GGACT: variants seen among roughly 807,000 people sequenced by gnomAD.
GGACT encodes gamma-glutamylaminecyclotransferase.
For missense variants in GGACT, 241 were observed against 233.2 expected, an observed-to-expected ratio of 1.03 and a Z score of -0.22; for synonymous variants, 118 against 115.3, an observed-to-expected ratio of 1.02 and a Z score of -0.15.
intron 1 of GGACT, chr13:100,586,974 T>G (rs1422154202): frequency 6.6e-6 from 1 of 152,238 alleles, no homozygotes; most frequent in Non-Finnish European, 1.5e-5. Flanking sequence ...TGGGCAGTCA[T>G]GTTTAATTGA....
intron 2 of GGACT, among the ~76,000 whole-genome samples, chr13:100,559,691 C>T (rs1042785729): frequency 2.0e-5 from 3 of 151,998 alleles, no homozygotes; most frequent in Admixed American, 2.0e-4. Context: ...GATGGGGTTT[C>T]ACCATGTTGG....
At chr13:100,555,622 A>G (rs895982487) in intron 2 of GGACT, among the ~76,000 whole-genome samples, 1 of 152,158 alleles carries the variant, frequency 6.6e-6, no homozygotes, top group Admixed American at 6.5e-5. Context: ...ATCATCTGCC[A>G]GCAGTTAAAG....
chr13:100,585,640 C>T (rs903283594), intron 1 of GGACT, among the ~76,000 whole-genome samples: 5 of 151,704 alleles, frequency 3.3e-5, no homozygotes, highest in African/African-American at 1.2e-4. Context: ...TGGTGGCATG[C>T]GCCTGTAGTC....
intron 2 of GGACT, among the ~76,000 whole-genome samples, chr13:100,574,690 C>T (rs931589444): frequency 1.3e-4 from 20 of 152,078 alleles, no homozygotes; most frequent in African/African-American, 3.9e-4. Flanking sequence ...GAGCAGAGAA[C>T]GGAGGGAGGC....
At position 100,532,136 on chromosome 13, in the gene GGACT, G is replaced by C. The variant is rs1021688999; in HGVS notation, c.456C>G (p.Asn152Lys). The change falls in exon 3 of 3, where the codon AAC (asparagine) becomes AAG (lysine). Residue 152 changes from asparagine (N) to lysine (K), a missense_variant. Asn to Lys is a moderately conservative substitution (Grantham distance 94). Coordinates refer to ENST00000683975, the MANE Select transcript of GGACT (RefSeq NM_001195087.2). ...CCCACCCTGCCCGTCCCCCTTATCTGTTCTCCCGGGGGTTGTAGCGCAGCC... is the reference window on the plus strand; with the variant it reads ...CCCACCCTGCCCGTCCCCCTTATCTCTTCTCCCGGGGGTTGTAGCGCAGCC... The part of the protein sequence containing the change: ...PHGLRYNPRE[N>K]R The C allele has an allele frequency of 4.8e-6, 7 of 1,447,246 alleles. No individual in the cohort carries two copies. The Admixed American group carries it at 8.5e-5, about 18-fold the overall frequency. 89.7% of individuals were successfully genotyped at this position (1,447,246 alleles called of 1,614,324 possible).
intron 2 of GGACT, among the ~76,000 whole-genome samples, chr13:100,552,351 T>G (rs2088671978): frequency 6.6e-6 from 1 of 152,178 alleles, no homozygotes; most frequent in African/African-American, 2.4e-5. Context: ...AAAGCTGTTA[T>G]GGGCTGGATT....
At chr13:100,585,527 G>A (rs145742382) in intron 1 of GGACT, among the ~76,000 whole-genome samples, 1 of 152,170 alleles carries the variant, frequency 6.6e-6, no homozygotes, top group African/African-American at 2.4e-5. Flanking sequence ...CAGCACTTTG[G>A]GAGGCAGAGG....
chr13:100,559,563 C>T (rs951547885), intron 2 of GGACT, among the ~76,000 whole-genome samples: 3 of 151,084 alleles, frequency 2.0e-5, no homozygotes, highest in Admixed American at 6.6e-5. Flanking sequence ...GGCAACATCT[C>T]GGCTCACTGC....
chr13:100,564,788 C>CAGT (rs1594193568), intron 2 of GGACT, among the ~76,000 whole-genome samples: 1 of 152,154 alleles, frequency 6.6e-6, no homozygotes, highest in Non-Finnish European at 1.5e-5. Context: ...CAGCATCATG[C>CAGT]AGTACCCAGC....
intron 2 of GGACT, among the ~76,000 whole-genome samples, chr13:100,566,668 T>C (rs1419611583): frequency 2.6e-5 from 4 of 152,156 alleles, no homozygotes; most frequent in Admixed American, 2.6e-4. Flanking sequence ...AAGTGTCTGC[T>C]CAGGGAGTAA....
intron 2 of GGACT, among the ~76,000 whole-genome samples, chr13:100,543,786 G>T (rs1342772528): frequency 1.3e-5 from 2 of 152,234 alleles, no homozygotes; most frequent in African/African-American, 4.8e-5. Flanking sequence ...GGGAGAAATA[G>T]TATCAGAATC....
At chr13:100,560,591 G>A (rs527703315) in intron 2 of GGACT, among the ~76,000 whole-genome samples, 2 of 152,350 alleles carry the variant, frequency 1.3e-5, no homozygotes, top group African/African-American at 2.4e-5. Context: ...TGAGGGCTGC[G>A]CTGGGAACGT....
intron 2 of GGACT, among the ~76,000 whole-genome samples, chr13:100,547,238 G>GC (rs1326479548): frequency 6.6e-6 from 1 of 152,142 alleles, no homozygotes; most frequent in African/African-American, 2.4e-5. Context: ...GATGTAATCA[G>GC]CCCCCATCAC....
At chr13:100,576,573 A>G (rs1875251566) in intron 2 of GGACT, among the ~76,000 whole-genome samples, 1 of 152,274 alleles carries the variant, frequency 6.6e-6, no homozygotes. Flanking sequence ...GGATACATAC[A>G]ATGCAGTACA....
chr13:100,562,216 T>C (rs554097509), intron 2 of GGACT, among the ~76,000 whole-genome samples: 3 of 152,172 alleles, frequency 2.0e-5, no homozygotes, highest in South Asian at 2.1e-4. Flanking sequence ...CCACTGCCTG[T>C]GTGGACCCCG....
At chr13:100,553,142 G>A (rs1002796220) in intron 2 of GGACT, among the ~76,000 whole-genome samples, 7 of 152,206 alleles carry the variant, frequency 4.6e-5, no homozygotes, top group Non-Finnish European at 7.3e-5. Context: ...GATGAGAGCC[G>A]TTCGAGGGCA....
chr13:100,547,557 C>A (rs1417629359), intron 2 of GGACT, among the ~76,000 whole-genome samples: 1 of 152,144 alleles, frequency 6.6e-6, no homozygotes, highest in Non-Finnish European at 1.5e-5. Flanking sequence ...CACTCGTGTG[C>A]GTTCTTGTCG....
At chr13:100,550,454 ACAC>A (rs1329535821) in intron 2 of GGACT, among the ~76,000 whole-genome samples, 2 of 140,854 alleles carry the variant, frequency 1.4e-5, no homozygotes, top group Admixed American at 7.4e-5. Flanking sequence ...ACACACACAC[ACAC>A]ACCACTTTTA....
At chr13:100,581,671 T>G (rs1290733053) in intron 2 of GGACT, among the ~76,000 whole-genome samples, 1 of 152,230 alleles carries the variant, frequency 6.6e-6, no homozygotes, top group African/African-American at 2.4e-5. Flanking sequence ...GGCTGCTCAC[T>G]GTGACTTCCT....
Sources: gnomAD v4.1 joint callset for allele counts (sites outside exome capture counted in the v4.1 genomes callset) on GRCh38, gnomAD v4.1.1 for gene constraint, MANE v1.5 for transcripts, NCBI Gene and HGNC (gene_info 2026-07-23, HGNC 2026-07-21) for gene names.